The following MYO16 variants were observed in gnomAD, a reference collection of about 807,000 sequenced individuals.
MYO16 encodes unconventional myosin-XVI.
A neutral mutation model predicts 205.3 loss-of-function variants in MYO16; 94 were observed. That is an observed-to-expected ratio of 0.46 (90% CI 0.39 to 0.54). The LOEUF is 0.54. Among genes scored for constraint, MYO16 ranks in the 20% least tolerant of loss-of-function variants. The probability of loss-of-function intolerance (pLI) is 0.00; values close to 1 mark genes in which losing one functional copy is unlikely to be tolerated. For synonymous variants in MYO16, 988 were observed against 954.0 expected (o/e 1.04, Z -0.66); for missense variants, 2,315 against 2,387.5 (o/e 0.97, Z 0.63).
intron 2 of MYO16, among the ~76,000 whole-genome samples, chr13:108,708,458 TAAAATC>T (rs1431288192): frequency 6.6e-6 from 1 of 152,324 alleles, no homozygotes; most frequent in East Asian, 1.9e-4. Flanking sequence ...TATTTAGAAA[TAAAATC>T]AAACTTACAG....
chr13:108,945,685 C>A (rs1882912123), intron 16 of MYO16, among the ~76,000 whole-genome samples: 1 of 151,932 alleles, frequency 6.6e-6, no homozygotes, highest in Admixed American at 6.6e-5. Flanking sequence ...CTGAAATAGC[C>A]AGATCCAATA....
chr13:109,177,508 T>C (rs1159592075), intron 33 of MYO16, among the ~76,000 whole-genome samples: 1 of 151,656 alleles, frequency 6.6e-6, no homozygotes, highest in East Asian at 1.9e-4. Context: ...TGTATTTATT[T>C]ATTTATTTAT....
intron 1 of MYO16, among the ~76,000 whole-genome samples, chr13:108,615,349 A>G (rs1215455241): frequency 1.3e-5 from 2 of 152,142 alleles, no homozygotes; most frequent in African/African-American, 2.4e-5. Flanking sequence ...ATACACTGGT[A>G]GTAGAATTGT....
chr13:108,785,594 A>C (rs780887928), intron 4 of MYO16, 41 bp from the exon 5 acceptor site: 2 of 1,236,828 alleles, frequency 1.6e-6, no homozygotes, highest in African/African-American at 3.1e-5. Context: ...CTTTTAATTT[A>C]AACAGTATAT....
At chr13:109,165,905 T>C (rs1452914349) in intron 33 of MYO16, among the ~76,000 whole-genome samples, 1 of 150,496 alleles carries the variant, frequency 6.6e-6, no homozygotes, top group African/African-American at 2.4e-5. Flanking sequence ...TTCCCAAGAG[T>C]CAGAGTGAAC....
chr13:108,995,128 A>G (rs1884961790), intron 21 of MYO16, among the ~76,000 whole-genome samples: 1 of 152,250 alleles, frequency 6.6e-6, no homozygotes, highest in South Asian at 2.1e-4. Context: ...GACAAACAGC[A>G]GAAATTTATC....
chr13:108,808,323 T>C (rs1185884717), intron 7 of MYO16, among the ~76,000 whole-genome samples: 2 of 151,642 alleles, frequency 1.3e-5, no homozygotes, highest in African/African-American at 4.8e-5. Context: ...ATGAACCTTC[T>C]TTTTTTAATA....
chr13:108,667,400 T>A (rs1412917801), intron 2 of MYO16, among the ~76,000 whole-genome samples: 1 of 151,240 alleles, frequency 6.6e-6, no homozygotes, highest in African/African-American at 2.4e-5. Flanking sequence ...AAACATTTGG[T>A]GTGATCCACT....
chr13:108,691,399 T>C (rs764172028), intron 2 of MYO16, among the ~76,000 whole-genome samples: 26 of 151,894 alleles, frequency 1.7e-4, no homozygotes, highest in Non-Finnish European at 3.4e-4. Context: ...GGGGTGTGTG[T>C]CTGTGTGTGT....
intron 20 of MYO16, among the ~76,000 whole-genome samples, chr13:108,982,569 A>G (rs1884481473): frequency 6.6e-6 from 1 of 152,206 alleles, no homozygotes; most frequent in South Asian, 2.1e-4. Flanking sequence ...GTCTACATGC[A>G]TATACAGTAA....
At chr13:109,106,189 T>A (rs1291448904) in intron 28 of MYO16, among the ~76,000 whole-genome samples, 1 of 152,240 alleles carries the variant, frequency 6.6e-6, no homozygotes, top group Non-Finnish European at 1.5e-5. Flanking sequence ...ATGGATTACC[T>A]CACTATGGAA....
At chr13:108,561,770 A>G in the MYO16 span, among the ~76,000 whole-genome samples, 2 of 152,206 alleles carry the variant, frequency 1.3e-5, no homozygotes, top group Non-Finnish European at 2.9e-5. Context: ...GAAAAAATGC[A>G]TATTCAAAAC....
At chr13:109,043,487 G>A (rs1886945049) in intron 23 of MYO16, among the ~76,000 whole-genome samples, 1 of 152,162 alleles carries the variant, frequency 6.6e-6, no homozygotes, top group Non-Finnish European at 1.5e-5. Flanking sequence ...TGGCTATATA[G>A]AGGAAGACTC....
At chr13:109,186,048 C>T (rs1285090959) in intron 34 of MYO16, among the ~76,000 whole-genome samples, 1 of 152,066 alleles carries the variant, frequency 6.6e-6, no homozygotes, top group Non-Finnish European at 1.5e-5. Flanking sequence ...CAACTGTAGT[C>T]CCCGCTACTT....
intron 21 of MYO16, among the ~76,000 whole-genome samples, chr13:108,998,033 A>G (rs1885093045): frequency 6.6e-6 from 1 of 152,234 alleles, no homozygotes; most frequent in African/African-American, 2.4e-5. Context: ...AAATTGAGAT[A>G]CTTTGACTTC....
rs536374747 is a variant in MYO16 at position 108,819,044 on chromosome 13, A to G, written c.868-1293A>G. On this transcript the variant is annotated intron_variant, in intron 7 of 34. Coordinates refer to ENST00000457511, the MANE Select transcript of MYO16 (RefSeq NM_001198950.3). ...TCTGAGCAATCTCTTGGAAAAAAAT[A>G]TATTAGCACTATCTAGTCACTTTGA... is the stretch of plus-strand genomic sequence containing the variant. Among the ~76,000 whole-genome samples, 12 of 152,324 alleles carry G rather than the reference A, an allele frequency of 7.9e-5. No homozygotes were observed. In the South Asian group the frequency reaches 2.1e-3, roughly 26 times the overall value.
At chr13:108,785,597 C>A in intron 4 of MYO16, 38 bp from the exon 5 acceptor site, 1 of 1,247,612 alleles carries the variant, frequency 8.0e-7, no homozygotes, top group Non-Finnish European at 1.1e-6. Context: ...TTAATTTAAA[C>A]AGTATATATG....
chr13:108,972,245 C>CTATATATATATATA (rs1374363684), intron 20 of MYO16, among the ~76,000 whole-genome samples: 9 of 8,608 alleles, frequency 1.0e-3, no homozygotes, highest in Non-Finnish European at 1.8e-3. Flanking sequence ...CTCTCTCTCT[C>CTATATATATATATA]TCTCTATATA....
intron 1 of MYO16, among the ~76,000 whole-genome samples, chr13:108,606,796 C>T (rs914693900): frequency 6.6e-6 from 1 of 152,096 alleles, no homozygotes; most frequent in Non-Finnish European, 1.5e-5. Context: ...CACTGTGCAC[C>T]TGAAAAAGCA....
Sources: gnomAD v4.1 joint callset for allele counts (sites outside exome capture counted in the v4.1 genomes callset) on GRCh38, gnomAD v4.1.1 for gene constraint, MANE v1.5 for transcripts, NCBI Gene and HGNC (gene_info 2026-07-23, HGNC 2026-07-21) for gene names.